Variants in ERC2 observed in about 807,000 individuals in gnomAD.
ERC2 encodes ELKS/RAB6-interacting/CAST family member 2, also known as ERC protein 2.
A neutral mutation model predicts 114.8 loss-of-function variants in ERC2; 42 were observed. The observed-to-expected ratio is 0.37, with a 90% CI of 0.29 to 0.47. The LOEUF (loss-of-function observed/expected upper bound fraction) is 0.47, where lower values mean the gene tolerates loss of function less well. Among genes scored for constraint, ERC2 ranks in the 20% least tolerant of loss-of-function variants. The probability of loss-of-function intolerance (pLI) is 0.99; values close to 1 mark genes in which losing one functional copy is unlikely to be tolerated. For missense variants in ERC2, 939 were observed against 1,150.7 expected (o/e 0.82, Z 2.66); for synonymous variants, 454 against 425.5 (o/e 1.07, Z -0.82).
intron 17 of ERC2, among the ~76,000 whole-genome samples, chr3:55,676,439 T>G (rs970823692): frequency 3.2e-5 from 4 of 124,146 alleles, no homozygotes; most frequent in African/African-American, 1.2e-4. Context: ...TTTACTGAGC[T>G]GCTTATTATT....
intron 2 of ERC2, among the ~76,000 whole-genome samples, chr3:56,333,220 A>G (rs1200970316): frequency 6.6e-6 from 1 of 152,248 alleles, no homozygotes. Flanking sequence ...TCCCAAGGGC[A>G]GGGTGGCCAT....
intron 6 of ERC2, among the ~76,000 whole-genome samples, chr3:56,099,473 G>A (rs1307608000): frequency 6.6e-6 from 1 of 152,176 alleles, no homozygotes. Flanking sequence ...TCTACAGGGA[G>A]TGATACGTAA....
At chr3:55,550,602 G>A (rs1485096358) in intron 17 of ERC2, among the ~76,000 whole-genome samples, 2 of 152,180 alleles carry the variant, frequency 1.3e-5, no homozygotes, top group Non-Finnish European at 1.5e-5. Context: ...TGCAGGGGAT[G>A]GGGAGAAGAC....
intron 2 of ERC2, among the ~76,000 whole-genome samples, chr3:56,428,358 T>C (rs11715404): frequency 0.33 from 49,751 of 151,468 alleles, 8,400 homozygotes; most frequent in Middle Eastern, 0.41. Context: ...ACATCTCTAC[T>C]AAAAATACAA....
chr3:55,992,985 A>G (rs1283137750), intron 10 of ERC2, among the ~76,000 whole-genome samples: 3 of 152,212 alleles, frequency 2.0e-5, no homozygotes, highest in Non-Finnish European at 4.4e-5. Context: ...ACAGGCAACA[A>G]CACAGCAACA....
intron 17 of ERC2, among the ~76,000 whole-genome samples, chr3:55,673,198 TG>T (rs1249234612): frequency 6.6e-6 from 1 of 152,170 alleles, no homozygotes; most frequent in Non-Finnish European, 1.5e-5. Flanking sequence ...TCGGATCAGC[TG>T]GGGGAAACAC....
chr3:56,078,158 T>TAG (rs1313603021), intron 7 of ERC2, among the ~76,000 whole-genome samples: 1 of 152,180 alleles, frequency 6.6e-6, no homozygotes, highest in Non-Finnish European at 1.5e-5. Flanking sequence ...AGCTCTCTTC[T>TAG]AAATTTCTGT....
chr3:55,756,122 A>G (rs1298970050), intron 14 of ERC2, among the ~76,000 whole-genome samples: 1 of 152,226 alleles, frequency 6.6e-6, no homozygotes, highest in Non-Finnish European at 1.5e-5. Flanking sequence ...AATGTCTTCA[A>G]AAGTTTGCAG....
At chr3:55,995,961 A>G (rs2071475805) in intron 10 of ERC2, among the ~76,000 whole-genome samples, 1 of 152,222 alleles carries the variant, frequency 6.6e-6, no homozygotes, top group Non-Finnish European at 1.5e-5. Flanking sequence ...GCCTTTTCAA[A>G]TAACAACATG....
intron 4 of ERC2, among the ~76,000 whole-genome samples, chr3:56,155,187 TAG>T (rs1417076430): frequency 1.3e-5 from 2 of 152,164 alleles, no homozygotes; most frequent in Non-Finnish European, 2.9e-5. Context: ...ATGGTTTTAA[TAG>T]AGTTTTAAAT....
At chr3:55,857,142 C>A (rs985336427) in intron 14 of ERC2, among the ~76,000 whole-genome samples, 6 of 151,888 alleles carry the variant, frequency 4.0e-5, no homozygotes, top group Non-Finnish European at 2.9e-5. Flanking sequence ...GAATTGTATA[C>A]TTTATATTGG....
At chr3:56,283,213 C>G (rs889945691) in intron 3 of ERC2, among the ~76,000 whole-genome samples, 3 of 152,234 alleles carry the variant, frequency 2.0e-5, no homozygotes, top group African/African-American at 7.2e-5. Flanking sequence ...TCCTTTAAAG[C>G]AGCTAAAGCT....
In ERC2 at chr3:55,934,291, C is replaced by T. The variant is rs539548119; in HGVS notation, c.2403+16134G>A. On this transcript the variant is annotated intron_variant, in intron 13 of 17. Coordinates refer to ENST00000288221, the MANE Select transcript of ERC2 (RefSeq NM_015576.3). ...CAATACAGTTTAACCCTAAGAGTTTCGAGTTAAAACATATCAGAATATGAC... is the reference window on the plus strand; with the variant it reads ...CAATACAGTTTAACCCTAAGAGTTTTGAGTTAAAACATATCAGAATATGAC... Among the ~76,000 whole-genome samples, 9 of 152,200 alleles carry T rather than the reference C, an allele frequency of 5.9e-5. No individual in the cohort carries two copies. In the South Asian group the frequency reaches 1.0e-3, roughly 18 times the overall value.
At chr3:56,137,363 A>C (rs1244163420) in intron 6 of ERC2, among the ~76,000 whole-genome samples, 2 of 152,190 alleles carry the variant, frequency 1.3e-5, no homozygotes, top group Non-Finnish European at 1.5e-5. Flanking sequence ...TGAATAATAC[A>C]GTGAAGAAAA....
chr3:55,876,349 T>C (rs1055337384), intron 14 of ERC2, among the ~76,000 whole-genome samples: 1 of 151,966 alleles, frequency 6.6e-6, no homozygotes, highest in Non-Finnish European at 1.5e-5. Flanking sequence ...CTGCCCTTCA[T>C]GGTTGAGGCA....
chr3:56,030,738 G>C (rs1560052211), intron 7 of ERC2, among the ~76,000 whole-genome samples: 1 of 152,196 alleles, frequency 6.6e-6, no homozygotes, highest in East Asian at 1.9e-4. Context: ...TTGAACAACT[G>C]TCTATGCATG....
chr3:55,863,872 G>A (rs560132257), intron 14 of ERC2, among the ~76,000 whole-genome samples: 3 of 151,236 alleles, frequency 2.0e-5, no homozygotes, highest in African/African-American at 7.3e-5. Flanking sequence ...CATCTCAATT[G>A]TACTAGCCGT....
chr3:55,711,840 A>T (rs1199567683), intron 15 of ERC2, among the ~76,000 whole-genome samples: 1 of 152,224 alleles, frequency 6.6e-6, no homozygotes, highest in African/African-American at 2.4e-5. Flanking sequence ...AGCTGTTTCT[A>T]TAATGTGCTA....
intron 2 of ERC2, among the ~76,000 whole-genome samples, chr3:56,394,739 A>G (rs2060244750): frequency 6.6e-6 from 1 of 152,232 alleles, no homozygotes; most frequent in African/African-American, 2.4e-5. Flanking sequence ...GGATGCTGAA[A>G]AACTAGAACC....
Sources: gnomAD v4.1 joint callset for allele counts (sites outside exome capture counted in the v4.1 genomes callset) on GRCh38, gnomAD v4.1.1 for gene constraint, MANE v1.5 for transcripts, NCBI Gene and HGNC (gene_info 2026-07-23, HGNC 2026-07-21) for gene names.